The following RARS1 variants were observed in gnomAD, a reference collection of about 807,000 sequenced individuals.
The protein encoded by RARS1 is arginine--tRNA ligase, cytoplasmic.
A neutral mutation model predicts 78.7 loss-of-function variants in RARS1; 75 were observed. That is an observed-to-expected ratio of 0.95 (90% CI 0.79 to 1.15). RARS1 has a LOEUF of 1.15. RARS1 is among the 50% of genes most tolerant of loss of function. The pLI is 0.00. For missense variants in RARS1, 787 were observed against 787.5 expected (o/e 1.00, Z 0.01); for synonymous variants, 273 against 268.2 (o/e 1.02, Z -0.18).
chr5:168,500,200 C>CCAAAAA, intron 7 of RARS1, among the ~76,000 whole-genome samples: 1 of 47,782 alleles, frequency 2.1e-5, no homozygotes, highest in Non-Finnish European at 3.7e-5. Context: ...GACTCTGTCT[C>CCAAAAA]AAAAAAAAAA....
intron 9 of RARS1, among the ~76,000 whole-genome samples, chr5:168,504,337 A>T (rs1192827632): frequency 2.0e-5 from 3 of 151,960 alleles, no homozygotes; most frequent in East Asian, 1.9e-4. Context: ...CATCCTGACC[A>T]ACATGGTGAA....
Position 168,486,530 on chromosome 5 carries a change from G to A in RARS1, c.32G>A (p.Arg11Gln), listed in dbSNP as rs1382466154. Reference sequence around the variant, plus strand: ...GTACTGGTGTCTGAGTGCTCCGCGCGGCTGCTGCAGCAGGTTTGGACGCAG... The same window carrying A: ...GTACTGGTGTCTGAGTGCTCCGCGCAGCTGCTGCAGCAGGTTTGGACGCAG... Reference protein sequence around the residue: MDVLVSECSARLLQQEEEIKS... With the variant: MDVLVSECSAQLLQQEEEIKS... The change falls in exon 1 of 15, where the codon CGG (arginine) becomes CAG (glutamine). Residue 11 changes from arginine to glutamine, a missense_variant. Physicochemically the swap from Arg to Gln is conservative, Grantham distance 43 (BLOSUM62 1). Transcript: ENST00000231572. 1 of 1,558,386 alleles carries A rather than the reference G, an allele frequency of 6.4e-7. No homozygotes were observed.
chr5:168,491,946 CTTTTT>C (rs149780336), intron 2 of RARS1, among the ~76,000 whole-genome samples: 113 of 102,596 alleles, frequency 1.1e-3, no homozygotes, highest in African/African-American at 3.9e-3. Flanking sequence ...TGTCATTCAC[CTTTTT>C]TTTTTTTTTT....
intron 6 of RARS1, among the ~76,000 whole-genome samples, chr5:168,496,163 C>T (rs983034655): frequency 2.6e-5 from 4 of 151,866 alleles, no homozygotes; most frequent in East Asian, 1.9e-4. Context: ...GGATGGATCA[C>T]GAGGTCAGGA....
chr5:168,506,674 T>C (rs773270405), intron 10 of RARS1, 48 bp from the exon 11 acceptor site: 2 of 1,417,026 alleles, frequency 1.4e-6, no homozygotes, highest in East Asian at 2.3e-5. Context: ...AAGTCTTTTT[T>C]TTTTTCTTTA....
rs2305735 is a variant in RARS1 at position 168,506,210 on chromosome 5, A to G, written c.1236+11A>G. On this transcript the variant is annotated intron_variant, in intron 10 of 14. Transcript: ENST00000231572. ...GTGGACAATGGACAAGTGAGTTTGT[A>G]AATTTGTATGTGTTTTACATTGACT... 0.16 allele frequency: 249,793 copies of G among 1,529,900 alleles called. 22,710 individuals carry two copies. Among genetic ancestry groups the G allele is most frequent in the Non-Finnish European group, 0.19 (208,891 of 1,125,936 alleles). 94.8% of individuals were successfully genotyped at this position (1,529,900 alleles called of 1,614,324 possible).
At chr5:168,496,907 G>A (rs1582430774) in intron 6 of RARS1, 2 of 208,916 alleles carry the variant, frequency 9.6e-6, no homozygotes, top group African/African-American at 2.3e-5. Flanking sequence ...CATTGGCCCA[G>A]CTGTCATTGT....
In RARS1 at chr5:168,502,030, G is replaced by A. The variant is rs62385662; in HGVS notation, c.982G>A (p.Val328Ile). The change falls in exon 9 of 15, where the codon GTC becomes ATC. Residue 328 changes from valine (V) to isoleucine (I), a missense_variant. Val to Ile is a conservative substitution (Grantham distance 29, BLOSUM62 3). Coordinates refer to ENST00000231572, the MANE Select transcript of RARS1 (RefSeq NM_002887.4). ...ELNKIYDALD[V>I]SLIERGESFY... ...AAATAAAATCTATGATGCATTGGAC[G>A]TCTCTTTAATAGAGAGAGGGGAATC... The A allele has an allele frequency of 6.7e-3, 10,735 of 1,595,528 alleles. 126 individuals are homozygous for A. The highest frequency in any genetic ancestry group is 0.035 in the South Asian group (3,033 of 86,960).
intron 7 of RARS1, among the ~76,000 whole-genome samples, chr5:168,500,256 A>G (rs1758289679): frequency 6.6e-6 from 1 of 151,918 alleles, no homozygotes; most frequent in Admixed American, 6.6e-5. Context: ...CACATCCAAA[A>G]TGGAGATTGG....
intron 3 of RARS1, 82 bp downstream of exon 3, chr5:168,492,929 T>G: frequency 8.1e-7 from 1 of 1,240,016 alleles, no homozygotes; most frequent in African/African-American, 1.5e-5. Flanking sequence ...ATAATACTAT[T>G]ACAAGTTGTA....
In RARS1 at chr5:168,519,058, ACAAC is replaced by A. The variant is rs779089771; in HGVS notation, c.1874-22_1874-19del. 2.5e-6 allele frequency: 4 copies of A among 1,577,626 alleles called. No homozygotes were observed. Among genetic ancestry groups the A allele is most frequent in the Non-Finnish European group, 2.6e-6 (3 of 1,154,776 alleles). On this transcript the variant is annotated intron_variant, in intron 14 of 14. Transcript: ENST00000231572. Reference sequence around the variant, plus strand: ...TTCAAAAAGGAAAACAAGTTAATTAACAACTTTTTTCTATCTTTTCAGGAAAAAT... The same window carrying A: ...TTCAAAAAGGAAAACAAGTTAATTAATTTTTTCTATCTTTTCAGGAAAAAT...
intron 7 of RARS1, among the ~76,000 whole-genome samples, chr5:168,499,916 G>A (rs1398807438): frequency 3.3e-5 from 5 of 152,050 alleles, no homozygotes; most frequent in Non-Finnish European, 5.9e-5. Flanking sequence ...GGCCAGGCAC[G>A]GTGGCTCACA....
At chr5:168,510,984 G>T (rs1758552982) in intron 12 of RARS1, among the ~76,000 whole-genome samples, 1 of 152,088 alleles carries the variant, frequency 6.6e-6, no homozygotes. Context: ...AGACTGAAGG[G>T]GTTTGATTCG....
chr5:168,518,071 C>CT lies in RARS1; in HGVS notation c.1873+33dup, dbSNP rs747777615. ...GAAAGATAGACAGACTGGTGAGTGTCTTTTTTTTTTTTTTTTTTTTTTTTA... is the reference window on the plus strand; with the variant it reads ...GAAAGATAGACAGACTGGTGAGTGTCTTTTTTTTTTTTTTTTTTTTTTTTTA... On this transcript the variant is annotated intron_variant, in intron 14 of 14. Coordinates refer to ENST00000231572, the MANE Select transcript of RARS1 (RefSeq NM_002887.4). 0.038 allele frequency: 28,073 copies of CT among 742,004 alleles called. 326 individuals are homozygous for CT. The highest frequency in any genetic ancestry group is 0.098 in the African/African-American group (2,084 of 21,298). The allele number at this position is 742,004 out of a possible 1,614,324, so 46.0% of individuals were successfully genotyped here.
intron 14 of RARS1, 30 bp downstream of exon 14, chr5:168,518,092 T>TTTTTTTTTTTTC: frequency 7.0e-7 from 1 of 1,424,098 alleles, no homozygotes; most frequent in Non-Finnish European, 9.2e-7. Flanking sequence ...TTTTTTTTTT[T>TTTTTTTTTTTTC]TTTAGTGAGA....
chr5:168,513,744 T>G lies in RARS1; in HGVS notation c.1453-3034T>G, dbSNP rs558237380. 2.4e-4 allele frequency among the ~76,000 whole-genome samples: 36 copies of G among 152,286 alleles called. No individual in the cohort carries two copies. The East Asian group carries it at 6.7e-3, about 29-fold the overall frequency. ...TGCATTAGACAATCAGTACTTACAT[T>G]TATCTATATATTTTCGCCCTTTCCT... On this transcript the variant is annotated intron_variant, in intron 12 of 14. Transcript: ENST00000231572.
intron 1 of RARS1, 58 bp from the exon 2 acceptor site, chr5:168,488,544 G>C: frequency 6.5e-7 from 1 of 1,538,604 alleles, no homozygotes; most frequent in Non-Finnish European, 8.8e-7. Context: ...CGCCTTGGTA[G>C]AGAGGGGAAA....
At chr5:168,506,636 C>G in intron 10 of RARS1, 86 bp from the exon 11 acceptor site, 1 of 981,656 alleles carries the variant, frequency 1.0e-6, no homozygotes, top group Non-Finnish European at 1.5e-6. Flanking sequence ...TTGAATTTTA[C>G]AGATCTATTC....
intron 12 of RARS1, among the ~76,000 whole-genome samples, chr5:168,513,829 A>G (rs767594025): frequency 1.3e-5 from 2 of 151,970 alleles, no homozygotes; most frequent in Non-Finnish European, 2.9e-5. Context: ...TTATTTTTTT[A>G]GCACAGGTCT....
Sources: gnomAD v4.1 joint callset for allele counts (sites outside exome capture counted in the v4.1 genomes callset) on GRCh38, gnomAD v4.1.1 for gene constraint, MANE v1.5 for transcripts, NCBI Gene and HGNC (gene_info 2026-07-23, HGNC 2026-07-21) for gene names.